ADAMTSL1: variants seen among roughly 807,000 people sequenced by gnomAD.
ADAMTSL1 encodes the protein ADAMTS like 1.
A neutral mutation model predicts 201.8 loss-of-function variants in ADAMTSL1; 126 were observed. The ratio of observed to expected loss-of-function variants is 0.62; its 90% confidence interval spans 0.54 to 0.72. ADAMTSL1 has a LOEUF of 0.72. ADAMTSL1 is among the 30% of genes least tolerant of loss of function. The probability of loss-of-function intolerance (pLI) is 0.00; values close to 1 mark genes in which losing one functional copy is unlikely to be tolerated. For missense variants in ADAMTSL1, 2,679 were observed against 2,277.8 expected (o/e 1.18, Z -3.59); for synonymous variants, 1,121 against 903.4 (o/e 1.24, Z -4.32).
At chr9:18,156,371 T>C (rs1361434017) in intron 1 of ADAMTSL1, among the ~76,000 whole-genome samples, 2 of 151,946 alleles carry the variant, frequency 1.3e-5, no homozygotes, top group East Asian at 3.9e-4. Flanking sequence ...TGATTTAAAG[T>C]ATGGGTGGTA....
intron 3 of ADAMTSL1, among the ~76,000 whole-genome samples, chr9:18,565,431 AGACTT>A (rs566407799): frequency 1.3e-3 from 192 of 152,352 alleles, no homozygotes; most frequent in African/African-American, 4.5e-3. Flanking sequence ...ATTTTCCAAA[AGACTT>A]GAGAGTTTGG....
chr9:18,242,375 G>T (rs1294941938), intron 2 of ADAMTSL1, among the ~76,000 whole-genome samples: 5 of 151,924 alleles, frequency 3.3e-5, no homozygotes, highest in African/African-American at 1.2e-4. Context: ...CATAATAAAG[G>T]CCATTTGGAA....
At chr9:18,406,309 C>CTTTTCTTTTCTTTTG (rs1418703828) in intron 2 of ADAMTSL1, among the ~76,000 whole-genome samples, 18 of 116,770 alleles carry the variant, frequency 1.5e-4, no homozygotes, top group Admixed American at 3.4e-4. Flanking sequence ...CTTTTCTTTT[C>CTTTTCTTTTCTTTTG]TTTTCTTTTC....
chr9:18,578,655 G>A (rs1426916776), intron 4 of ADAMTSL1, among the ~76,000 whole-genome samples: 1 of 152,182 alleles, frequency 6.6e-6, no homozygotes, highest in African/African-American at 2.4e-5. Flanking sequence ...GTAATCAAGT[G>A]CATTTAAAGT....
At chr9:18,603,806 C>A (rs1460004666) in intron 4 of ADAMTSL1, among the ~76,000 whole-genome samples, 1 of 152,164 alleles carries the variant, frequency 6.6e-6, no homozygotes, top group Non-Finnish European at 1.5e-5. Flanking sequence ...AGGACTTTTT[C>A]ATCTTCCCAA....
At chr9:17,949,410 T>C (rs1354605320) in intron 1 of ADAMTSL1, among the ~76,000 whole-genome samples, 3 of 152,114 alleles carry the variant, frequency 2.0e-5, no homozygotes, top group Admixed American at 1.3e-4. Flanking sequence ...AATTAGGTTA[T>C]CTCCACTATT....
intron 2 of ADAMTSL1, among the ~76,000 whole-genome samples, chr9:18,307,270 T>C (rs1390324802): frequency 1.3e-5 from 2 of 152,116 alleles, no homozygotes; most frequent in Non-Finnish European, 2.9e-5. Context: ...GTTGATAGTA[T>C]GAAGAAACTG....
intron 16 of ADAMTSL1, among the ~76,000 whole-genome samples, chr9:18,764,936 G>A (rs2133685717): frequency 6.6e-6 from 1 of 152,230 alleles, no homozygotes; most frequent in African/African-American, 2.4e-5. Flanking sequence ...TGATAACCCA[G>A]TTGTGTTATT....
intron 2 of ADAMTSL1, among the ~76,000 whole-genome samples, chr9:18,178,335 G>A (rs941595966): frequency 7.9e-5 from 12 of 152,156 alleles, no homozygotes; most frequent in Non-Finnish European, 1.2e-4. Context: ...AAAAAACGGC[G>A]CACCAGGAGA....
chr9:18,184,024 C>T (rs572251857), intron 2 of ADAMTSL1, among the ~76,000 whole-genome samples: 5 of 152,226 alleles, frequency 3.3e-5, no homozygotes, highest in African/African-American at 1.2e-4. Context: ...GTCTTATTTC[C>T]CAGTGCTGTC....
At chr9:18,588,579 T>G (rs1421878537) in intron 4 of ADAMTSL1, among the ~76,000 whole-genome samples, 1 of 152,100 alleles carries the variant, frequency 6.6e-6, no homozygotes, top group Non-Finnish European at 1.5e-5. Flanking sequence ...TCTAGTAATT[T>G]TACAATTTCA....
At position 18,777,455 on chromosome 9, in the gene ADAMTSL1, C is replaced by T. The variant is rs370375584; in HGVS notation, c.3226C>T (p.Arg1076Trp). The change falls in exon 19 of 29, where the codon CGG becomes TGG. Residue 1076 changes from arginine (R) to tryptophan (W), a missense_variant. Coordinates refer to ENST00000380548, the MANE Select transcript of ADAMTSL1 (RefSeq NM_001040272.6). Reference sequence around the variant, plus strand: ...GCCCTTCACCATGGTGACCGAGCAGCGGCGCCTGGACGACATCCTGGGGAA... The same window carrying T: ...GCCCTTCACCATGGTGACCGAGCAGTGGCGCCTGGACGACATCCTGGGGAA... Reference protein sequence around the residue: ...HLPFTMVTEQRRLDDILGNLS... With the variant: ...HLPFTMVTEQWRLDDILGNLS... The T allele has an allele frequency of 6.3e-7, 1 of 1,594,952 alleles. No individual in the cohort carries two copies. The highest frequency in any genetic ancestry group is 8.5e-7 in the Non-Finnish European group (1 of 1,171,076).
At chr9:18,198,033 G>T (rs1229173553) in intron 2 of ADAMTSL1, among the ~76,000 whole-genome samples, 2 of 152,164 alleles carry the variant, frequency 1.3e-5, no homozygotes, top group Admixed American at 6.5e-5. Flanking sequence ...AATGAATGGT[G>T]CTGGGAAAAC....
chr9:18,822,643 A>C (rs1277985630), intron 21 of ADAMTSL1, among the ~76,000 whole-genome samples: 1 of 152,192 alleles, frequency 6.6e-6, no homozygotes, highest in Non-Finnish European at 1.5e-5. Context: ...CATCCAAACA[A>C]ATGTGACCTT....
chr9:18,842,018 T>TTTTTGTG (rs1325539970), intron 23 of ADAMTSL1, among the ~76,000 whole-genome samples: 1 of 151,498 alleles, frequency 6.6e-6, no homozygotes, highest in Non-Finnish European at 1.5e-5. Context: ...TTTGAAGGGT[T>TTTTTGTG]TTTTGTGTCT....
chr9:18,430,797 T>C (rs930737854), intron 2 of ADAMTSL1, among the ~76,000 whole-genome samples: 24 of 152,266 alleles, frequency 1.6e-4, no homozygotes, highest in Admixed American at 1.3e-3. Flanking sequence ...TGAAGGAGAT[T>C]GAATGAGAGG....
At chr9:18,058,106 T>C (rs1377822500) in intron 1 of ADAMTSL1, among the ~76,000 whole-genome samples, 1 of 152,166 alleles carries the variant, frequency 6.6e-6, no homozygotes, top group African/African-American at 2.4e-5. Context: ...AAGGAGTGGA[T>C]AGATGGAAGA....
intron 23 of ADAMTSL1, among the ~76,000 whole-genome samples, chr9:18,843,131 A>C (rs1189474127): frequency 3.3e-5 from 5 of 149,542 alleles, no homozygotes; most frequent in Non-Finnish European, 7.4e-5. Context: ...TCCTAGCCTC[A>C]ATGGTCTTTA....
At chr9:18,253,241 T>A (rs1352327696) in intron 2 of ADAMTSL1, among the ~76,000 whole-genome samples, 1 of 152,118 alleles carries the variant, frequency 6.6e-6, no homozygotes, top group Non-Finnish European at 1.5e-5. Context: ...ATACATAAAG[T>A]GGTAGAAGGA....
Sources: gnomAD v4.1 joint callset for allele counts (sites outside exome capture counted in the v4.1 genomes callset) on GRCh38, gnomAD v4.1.1 for gene constraint, MANE v1.5 for transcripts, NCBI Gene and HGNC (gene_info 2026-07-23, HGNC 2026-07-21) for gene names.